SPATA6L: variants seen among roughly 807,000 people sequenced by gnomAD.
SPATA6L encodes spermatogenesis associated 6 like.
Under a neutral mutation model 49.2 loss-of-function variants are expected in SPATA6L, and 68 were observed. That is an observed-to-expected ratio of 1.38 (90% CI 1.14 to 1.69). SPATA6L has a LOEUF of 1.69. Among genes scored for constraint, SPATA6L ranks in the 40% most tolerant of loss-of-function variants. SPATA6L has a pLI of 0.00. For synonymous variants in SPATA6L, 198 were observed against 165.7 expected (o/e 1.19, Z -1.50); for missense variants, 668 against 464.3 (o/e 1.44, Z -4.03).
At chr9:4,644,731 G>A (rs1366276333) in intron 3 of SPATA6L, among the ~76,000 whole-genome samples, 2 of 140,390 alleles carry the variant, frequency 1.4e-5, no homozygotes, top group Admixed American at 7.1e-5. Context: ...ACACTTCTAT[G>A]CCAACAACCC....
chr9:4,646,878 T>C (rs1222562990), intron 3 of SPATA6L, among the ~76,000 whole-genome samples: 4 of 152,072 alleles, frequency 2.6e-5, no homozygotes, highest in African/African-American at 7.2e-5. Context: ...TGAGAACTCA[T>C]GGACACACAG....
At chr9:4,639,490 G>T (rs934960133) in intron 3 of SPATA6L, among the ~76,000 whole-genome samples, 1 of 152,138 alleles carries the variant, frequency 6.6e-6, no homozygotes, top group Non-Finnish European at 1.5e-5. Context: ...TAAATAGAAG[G>T]CTATGAAGCT....
chr9:4,624,706 C>G (rs572752050), intron 6 of SPATA6L, among the ~76,000 whole-genome samples: 1 of 139,154 alleles, frequency 7.2e-6, no homozygotes, highest in East Asian at 2.1e-4. Context: ...CCAGCCTAGG[C>G]GACAGCGCAA....
chr9:4,608,090 G>T (rs1343736475), intron 9 of SPATA6L, among the ~76,000 whole-genome samples: 3 of 137,172 alleles, frequency 2.2e-5, no homozygotes, highest in Non-Finnish European at 3.1e-5. Context: ...AACAAGAAGA[G>T]CTAACTATCC....
chr9:4,638,673 C>A (rs1833355261), intron 3 of SPATA6L, among the ~76,000 whole-genome samples: 1 of 152,198 alleles, frequency 6.6e-6, no homozygotes, highest in Admixed American at 6.5e-5. Context: ...CTCTGAAGTA[C>A]AACCTGCAAA....
At chr9:4,603,926 C>G (rs755201408) in intron 11 of SPATA6L, among the ~76,000 whole-genome samples, 7 of 151,954 alleles carry the variant, frequency 4.6e-5, no homozygotes, top group Non-Finnish European at 7.4e-5. Context: ...GAAAGAAGGC[C>G]GGAAAGTCTA....
chr9:4,654,988 C>T (rs1180600924), intron 3 of SPATA6L, among the ~76,000 whole-genome samples: 1 of 152,202 alleles, frequency 6.6e-6, no homozygotes, highest in African/African-American at 2.4e-5. Flanking sequence ...AAAGGTACCA[C>T]TCTCTTCTCT....
intron 2 of SPATA6L, among the ~76,000 whole-genome samples, chr9:4,658,856 G>A (rs1384133663): frequency 6.6e-6 from 1 of 151,206 alleles, no homozygotes; most frequent in Non-Finnish European, 1.5e-5. Context: ...GCCTGGTGTG[G>A]TGGCAGATCC....
At chr9:4,612,009 C>T (rs1012487446) in intron 9 of SPATA6L, among the ~76,000 whole-genome samples, 2 of 150,940 alleles carry the variant, frequency 1.3e-5, no homozygotes, top group Non-Finnish European at 2.9e-5. Context: ...CCATGCCTGG[C>T]TATTTTTTTT....
intron 3 of SPATA6L, among the ~76,000 whole-genome samples, chr9:4,650,840 G>T (rs996897940): frequency 8.2e-5 from 3 of 36,588 alleles, no homozygotes; most frequent in Non-Finnish European, 1.8e-4. Flanking sequence ...GTGTGTGTGT[G>T]TGTGTGTGTG....
chr9:4,624,783 T>A (rs538463732), intron 6 of SPATA6L, among the ~76,000 whole-genome samples: 6 of 152,178 alleles, frequency 3.9e-5, no homozygotes, highest in African/African-American at 1.4e-4. Context: ...GTGACTAAAT[T>A]TGCCTACCAC....
chr9:4,635,868 C>A (rs980502844), intron 3 of SPATA6L, among the ~76,000 whole-genome samples: 3 of 152,154 alleles, frequency 2.0e-5, no homozygotes, highest in African/African-American at 4.8e-5. Flanking sequence ...GGGGTACCAA[C>A]CCCGAGGACA....
At chr9:4,663,886 G>C (rs903984244) in intron 1 of SPATA6L, 1 of 166,874 alleles carries the variant, frequency 6.0e-6, no homozygotes, top group Non-Finnish European at 1.5e-5. Flanking sequence ...TTGTGGATCG[G>C]GTAGTGGGAA....
intron 4 of SPATA6L, among the ~76,000 whole-genome samples, chr9:4,631,225 C>A (rs1321352554): frequency 1.3e-5 from 2 of 152,112 alleles, no homozygotes; most frequent in Non-Finnish European, 2.9e-5. Flanking sequence ...CTCATCCAGT[C>A]TCCTTACCAA....
chr9:4,618,214 C>G, intron 8 of SPATA6L, 104 bp from the exon 9 acceptor site: 1 of 946,242 alleles, frequency 1.1e-6, no homozygotes, highest in South Asian at 1.8e-5. Flanking sequence ...GCTAAGATGA[C>G]AGAATATTTG....
intron 3 of SPATA6L, 65 bp downstream of exon 3, chr9:4,655,976 T>A: frequency 7.9e-7 from 1 of 1,261,346 alleles, no homozygotes; most frequent in Non-Finnish European, 1.1e-6. Context: ...AAGAGCAGAG[T>A]TTTGAATCTG....
chr9:4,648,355 T>C (rs1348314657), intron 3 of SPATA6L, among the ~76,000 whole-genome samples: 1 of 152,194 alleles, frequency 6.6e-6, no homozygotes, highest in Non-Finnish European at 1.5e-5. Context: ...TAAATTCTTT[T>C]TTTAAAATTT....
intron 9 of SPATA6L, among the ~76,000 whole-genome samples, chr9:4,615,824 G>T (rs1427317510): frequency 2.0e-5 from 3 of 152,160 alleles, no homozygotes; most frequent in Non-Finnish European, 4.4e-5. Flanking sequence ...AGAAAAGCTT[G>T]CTGTACTGCT....
intron 3 of SPATA6L, among the ~76,000 whole-genome samples, chr9:4,637,676 T>C (rs1366919280): frequency 6.6e-6 from 1 of 152,186 alleles, no homozygotes; most frequent in Non-Finnish European, 1.5e-5. Context: ...ACTTCAATGA[T>C]GTTCTGAGAT....
Sources: allele counts gnomAD v4.1 joint callset (sites outside exome capture counted in the v4.1 genomes callset), GRCh38; gene constraint gnomAD v4.1.1; transcripts MANE v1.5; gene names NCBI Gene and HGNC (gene_info 2026-07-23, HGNC 2026-07-21).